Variants in SESTD1 observed in about 807,000 individuals in gnomAD.
SESTD1 encodes SEC14 domain and spectrin repeat-containing protein 1.
SESTD1 carries 43 observed loss-of-function variants against 101.7 expected under a neutral mutation model. That is an observed-to-expected ratio of 0.42 (90% CI 0.33 to 0.55). The LOEUF (loss-of-function observed/expected upper bound fraction) is 0.55, where lower values mean the gene tolerates loss of function less well. SESTD1 is among the 20% of genes least tolerant of loss of function. The pLI is 0.07. For missense variants in SESTD1, 647 were observed against 815.1 expected, an observed-to-expected ratio of 0.79 and a Z score of 2.51; for synonymous variants, 283 against 286.8, an observed-to-expected ratio of 0.99 and a Z score of 0.13.
intron 5 of SESTD1, among the ~76,000 whole-genome samples, chr2:179,153,657 T>G (rs2045571701): frequency 6.6e-6 from 1 of 152,030 alleles, no homozygotes; most frequent in Non-Finnish European, 1.5e-5. Flanking sequence ...CAGGTTTTGT[T>G]AAAATAGCAT....
At chr2:179,141,486 A>G (rs2045273489) in intron 9 of SESTD1, among the ~76,000 whole-genome samples, 1 of 151,904 alleles carries the variant, frequency 6.6e-6, no homozygotes, top group African/African-American at 2.4e-5. Context: ...AGCCTAGGAC[A>G]ATGTCATACT....
At chr2:179,235,137 T>G (rs1429932519) in intron 1 of SESTD1, among the ~76,000 whole-genome samples, 1 of 152,066 alleles carries the variant, frequency 6.6e-6, no homozygotes, top group Non-Finnish European at 1.5e-5. Context: ...TTAAATAAAG[T>G]CTATAGAGTA....
At chr2:179,264,189 C>G (rs1453370362) in intron 1 of SESTD1, 2 of 151,918 alleles carry the variant, frequency 1.3e-5, no homozygotes, top group Non-Finnish European at 1.5e-5. Context: ...GCGCGCGGCC[C>G]GGTCTCTGCG....
At chr2:179,250,674 A>G (rs1052913268) in intron 1 of SESTD1, among the ~76,000 whole-genome samples, 2 of 146,244 alleles carry the variant, frequency 1.4e-5, no homozygotes, top group Non-Finnish European at 3.0e-5. Flanking sequence ...GGGCCACTCT[A>G]AAGACCCAAT....
chr2:179,134,972 T>C (rs2045104575), intron 9 of SESTD1, among the ~76,000 whole-genome samples: 1 of 152,086 alleles, frequency 6.6e-6, no homozygotes, highest in Non-Finnish European at 1.5e-5. Context: ...GGAGATGGAG[T>C]CTTGCTCTGT....
intron 3 of SESTD1, among the ~76,000 whole-genome samples, chr2:179,177,337 C>T (rs2046029460): frequency 6.6e-6 from 1 of 152,124 alleles, no homozygotes. Context: ...ATGTAAGGAT[C>T]TCAATTGCTC....
chr2:179,203,169 T>G (rs2046542933), intron 1 of SESTD1, among the ~76,000 whole-genome samples: 1 of 134,726 alleles, frequency 7.4e-6, no homozygotes, highest in Non-Finnish European at 1.6e-5. Flanking sequence ...CCCTTGCAGA[T>G]AGCCCCCTTG....
At chr2:179,158,618 A>G (rs886195288) in intron 5 of SESTD1, among the ~76,000 whole-genome samples, 7 of 152,214 alleles carry the variant, frequency 4.6e-5, no homozygotes, top group Admixed American at 4.6e-4. Flanking sequence ...TTTTTTAAAA[A>G]AATTGACCAA....
intron 4 of SESTD1, chr2:179,174,471 T>C (rs1201826866): frequency 2.6e-5 from 12 of 466,298 alleles, no homozygotes; most frequent in Non-Finnish European, 5.3e-5. Flanking sequence ...GTGACACAGT[T>C]GAAATGACAG....
intron 1 of SESTD1, among the ~76,000 whole-genome samples, chr2:179,201,083 A>G (rs1272445483): frequency 3.7e-5 from 5 of 134,766 alleles, no homozygotes; most frequent in South Asian, 2.9e-4. Context: ...CAAGAAAAAA[A>G]CAAACAACCC....
intron 1 of SESTD1, among the ~76,000 whole-genome samples, chr2:179,252,750 G>C (rs2047336951): frequency 6.6e-6 from 1 of 152,138 alleles, no homozygotes; most frequent in Admixed American, 6.5e-5. Context: ...GGGAGAATCT[G>C]GCCCAAAAAG....
chr2:179,261,098 A>C (rs574547713), intron 1 of SESTD1, among the ~76,000 whole-genome samples: 3 of 152,306 alleles, frequency 2.0e-5, no homozygotes, highest in African/African-American at 7.2e-5. Flanking sequence ...CTATGCTATT[A>C]AGAAGCTGTT....
rs988183515 is a variant in SESTD1, at chr2:179,106,127, C to T, written c.*3772G>A. 8.6e-6 allele frequency: 1 copy of T among 116,266 alleles called. No homozygotes were observed. The highest frequency in any genetic ancestry group is 1.9e-5 in the Non-Finnish European group (1 of 53,080). The allele number at this position is 116,266 out of a possible 1,614,324, so 7.2% of individuals were successfully genotyped here. A position where few individuals can be genotyped will look rare whatever the true frequency, so the allele number is the denominator to read the frequency against. On this transcript the variant is annotated 3_prime_UTR_variant, in exon 18 of 18. Coordinates refer to ENST00000428443, the MANE Select transcript of SESTD1 (RefSeq NM_178123.5). ...ATTAGGTTAACTGCTTAGCTATGTT[C>T]CAGCCATGTTTTTAATGCTAGAGAA... is the stretch of plus-strand genomic sequence containing the variant.
At chr2:179,246,254 CAAAAAAAAAAA>C (rs60185738) in intron 1 of SESTD1, among the ~76,000 whole-genome samples, 2 of 73,706 alleles carry the variant, frequency 2.7e-5, no homozygotes, top group Non-Finnish European at 2.5e-5. Flanking sequence ...GACTCCATCT[CAAAAAAAAAAA>C]AAAAAAAAAA....
chr2:179,246,980 T>C (rs2047241916), intron 1 of SESTD1, among the ~76,000 whole-genome samples: 1 of 152,204 alleles, frequency 6.6e-6, no homozygotes, highest in African/African-American at 2.4e-5. Flanking sequence ...TATATATATT[T>C]TTTATTTTTT....
intron 5 of SESTD1, among the ~76,000 whole-genome samples, chr2:179,168,192 C>T (rs1575457414): frequency 6.6e-6 from 1 of 152,176 alleles, no homozygotes; most frequent in African/African-American, 2.4e-5. Context: ...TCCTCTTCCT[C>T]CTCAGCCTCA....
intron 9 of SESTD1, among the ~76,000 whole-genome samples, chr2:179,133,273 A>G (rs2045053880): frequency 6.6e-6 from 1 of 152,138 alleles, no homozygotes; most frequent in African/African-American, 2.4e-5. Context: ...TGAGTCACTA[A>G]ACTCAAGGAT....
At chr2:179,238,969 A>C (rs1256120962) in intron 1 of SESTD1, among the ~76,000 whole-genome samples, 1 of 152,166 alleles carries the variant, frequency 6.6e-6, no homozygotes, top group Non-Finnish European at 1.5e-5. Flanking sequence ...TTACATGCCA[A>C]ATGTTTACAC....
intron 1 of SESTD1, among the ~76,000 whole-genome samples, chr2:179,199,170 C>T (rs993298158): frequency 1.3e-5 from 2 of 151,948 alleles, no homozygotes; most frequent in African/African-American, 4.8e-5. Context: ...GAGAATACTA[C>T]AAACACCTCT....
Sources: gnomAD v4.1 joint callset for allele counts (sites outside exome capture counted in the v4.1 genomes callset) on GRCh38, gnomAD v4.1.1 for gene constraint, MANE v1.5 for transcripts, NCBI Gene and HGNC (gene_info 2026-07-23, HGNC 2026-07-21) for gene names.